The following STX8 variants were observed in gnomAD, a reference collection of about 807,000 sequenced individuals.
STX8 encodes syntaxin 8.
Under a neutral mutation model 37.5 loss-of-function variants are expected in STX8, and 23 were observed. The observed-to-expected ratio is 0.61, with a 90% confidence interval of 0.44 to 0.87. The LOEUF (loss-of-function observed/expected upper bound fraction) is 0.87, where lower values mean the gene tolerates loss of function less well. Ranked by LOEUF, STX8 falls within the 40% of genes least tolerant of loss-of-function variation. The pLI is 0.00. For synonymous variants in STX8, 115 were observed against 99.1 expected, an observed-to-expected ratio of 1.16 and a Z score of -0.95; for missense variants, 313 against 284.7, an observed-to-expected ratio of 1.10 and a Z score of -0.71.
At chr17:9,494,615 C>CAAAAAAAAAAAAAAA (rs35806606) in intron 5 of STX8, among the ~76,000 whole-genome samples, 4 of 64,310 alleles carry the variant, frequency 6.2e-5, no homozygotes, top group Non-Finnish European at 1.1e-4. Flanking sequence ...GAACCTGTCT[C>CAAAAAAAAAAAAAAA]AAAAAAAAAA....
At chr17:9,385,142 A>T (rs1911950979) in intron 6 of STX8, among the ~76,000 whole-genome samples, 1 of 152,184 alleles carries the variant, frequency 6.6e-6, no homozygotes, top group East Asian at 1.9e-4. Context: ...AAATCCTCAA[A>T]GGAAGTGATT....
intron 7 of STX8, among the ~76,000 whole-genome samples, chr17:9,287,002 G>A (rs1426858458): frequency 2.0e-5 from 3 of 152,296 alleles, no homozygotes; most frequent in East Asian, 3.9e-4. Context: ...CTGGAAGGAT[G>A]ATGTATGTCA....
intron 4 of STX8, among the ~76,000 whole-genome samples, chr17:9,537,575 C>CTCAG (rs4063412): frequency 0.99 from 150,012 of 152,230 alleles, 73,944 homozygotes; most frequent in Middle Eastern, 1. Flanking sequence ...CACGTCCTGG[C>CTCAG]TCAATCTTTC....
At chr17:9,257,874 A>G (rs533942260) in intron 7 of STX8, among the ~76,000 whole-genome samples, 3 of 152,338 alleles carry the variant, frequency 2.0e-5, no homozygotes, top group Non-Finnish European at 4.4e-5. Context: ...CTGTAATCCC[A>G]GCTACTTGGG....
chr17:9,494,013 TTTG>T (rs1567585337), intron 5 of STX8, among the ~76,000 whole-genome samples: 18 of 151,574 alleles, frequency 1.2e-4, no homozygotes, highest in East Asian at 5.9e-4. Flanking sequence ...GTTTTGTTTT[TTTG>T]TTGTTGTTGT....
chr17:9,572,410 T>C (rs1907719793), intron 1 of STX8, among the ~76,000 whole-genome samples: 1 of 101,742 alleles, frequency 9.8e-6, no homozygotes, highest in Admixed American at 8.4e-5. Flanking sequence ...TTTTTGTTTG[T>C]TTGTTTTGTT....
chr17:9,506,407 T>C (rs529626089), intron 4 of STX8, among the ~76,000 whole-genome samples: 2,845 of 39,100 alleles, frequency 0.073, 190 homozygotes, highest in African/African-American at 0.16. Flanking sequence ...GCTCACCCGC[T>C]CCCCCCCCCC....
At chr17:9,307,201 T>C (rs1003088570) in intron 7 of STX8, among the ~76,000 whole-genome samples, 3 of 152,218 alleles carry the variant, frequency 2.0e-5, no homozygotes, top group African/African-American at 7.2e-5. Flanking sequence ...TCAGTGCCAC[T>C]GTGCTGCATC....
intron 7 of STX8, among the ~76,000 whole-genome samples, chr17:9,312,402 C>A (rs1056604338): frequency 2.6e-5 from 4 of 151,264 alleles, no homozygotes; most frequent in African/African-American, 9.7e-5. Context: ...GGTTTCTCCA[C>A]GTTGGTCAGG....
intron 6 of STX8, among the ~76,000 whole-genome samples, chr17:9,446,019 G>A (rs1445561681): frequency 1.3e-5 from 2 of 151,916 alleles, no homozygotes; most frequent in Non-Finnish European, 2.9e-5. Context: ...TGTATTTTTA[G>A]TAGAGACGGG....
intron 6 of STX8, among the ~76,000 whole-genome samples, chr17:9,481,672 C>T (rs777499788): frequency 2.6e-5 from 4 of 152,166 alleles, no homozygotes; most frequent in Non-Finnish European, 5.9e-5. Flanking sequence ...CACCCCAAGC[C>T]GCAGACCAAC....
intron 7 of STX8, among the ~76,000 whole-genome samples, chr17:9,293,300 G>A (rs963674548): frequency 2.0e-5 from 3 of 152,042 alleles, no homozygotes; most frequent in Non-Finnish European, 4.4e-5. Context: ...AGGGATGCTC[G>A]AGGTCTCACA....
chr17:9,430,462 G>A (rs1913916266), intron 6 of STX8, among the ~76,000 whole-genome samples: 1 of 151,010 alleles, frequency 6.6e-6, no homozygotes, highest in African/African-American at 2.4e-5. Flanking sequence ...CCATATAAGT[G>A]AAATCATACA....
chr17:9,428,485 C>A (rs1420524416), intron 6 of STX8, among the ~76,000 whole-genome samples: 1 of 152,190 alleles, frequency 6.6e-6, no homozygotes, highest in Non-Finnish European at 1.5e-5. Flanking sequence ...TGTGATCCAC[C>A]CGCCTTGGCC....
intron 6 of STX8, among the ~76,000 whole-genome samples, chr17:9,430,586 G>A (rs1003329211): frequency 2.0e-5 from 3 of 150,670 alleles, no homozygotes; most frequent in African/African-American, 7.3e-5. Flanking sequence ...ACCATTTTAA[G>A]TACATACTAC....
chr17:9,534,592 C>T (rs1195435520), intron 4 of STX8, among the ~76,000 whole-genome samples: 1 of 152,086 alleles, frequency 6.6e-6, no homozygotes, highest in Admixed American at 6.5e-5. Flanking sequence ...AGATTGAGAC[C>T]ATCCTGCCAA....
chr17:9,340,283 C>A (rs970020897), intron 7 of STX8, among the ~76,000 whole-genome samples: 29 of 152,354 alleles, frequency 1.9e-4, no homozygotes, highest in Middle Eastern at 3.4e-3. Context: ...TTTTCCCCAA[C>A]ATGCAGACTC....
chr17:9,542,399 C>T (rs1315223494), intron 4 of STX8, among the ~76,000 whole-genome samples: 8 of 151,132 alleles, frequency 5.3e-5, no homozygotes, highest in African/African-American at 1.2e-4. Context: ...AAACAAGGGC[C>T]GGGAGCTGTG....
chr17:9,384,126 A>AT lies in STX8; in HGVS notation c.542-5474dup, dbSNP rs11288399. The stretch of plus-strand genomic sequence containing the variant: ...CCACATATCCTCACCCTCATTTGTT[A>AT]TTTTTTTTTTTTTCATATATTGGTT... On this transcript the variant is annotated intron_variant, in intron 6 of 7. Transcript: ENST00000306357. 5.6e-3 allele frequency among the ~76,000 whole-genome samples: 780 copies of AT among 139,538 alleles called. 3 individuals are homozygous for AT. The highest frequency in any genetic ancestry group is 0.015 in the Middle Eastern group (4 of 266). 91.5% of individuals were successfully genotyped at this position (139,538 alleles called of 152,430 possible). A position where few individuals can be genotyped will look rare whatever the true frequency, so the allele number is the denominator to read the frequency against.
Sources: gnomAD v4.1 joint callset for allele counts (sites outside exome capture counted in the v4.1 genomes callset) on GRCh38, gnomAD v4.1.1 for gene constraint, MANE v1.5 for transcripts, NCBI Gene and HGNC (gene_info 2026-07-23, HGNC 2026-07-21) for gene names.